The following LARP1 variants were observed in gnomAD, a reference collection of about 807,000 sequenced individuals.
The protein encoded by LARP1 is La ribonucleoprotein 1, translational regulator.
LARP1 carries 36 observed loss-of-function variants against 122.7 expected under a neutral mutation model. That is an observed-to-expected ratio of 0.29 (90% CI 0.22 to 0.39). The LOEUF is 0.39. Among genes scored for constraint, LARP1 ranks in the 10% least tolerant of loss-of-function variants. LARP1 has a pLI of 1.00. For missense variants in LARP1, 1,040 were observed against 1,403.6 expected (o/e 0.74, Z 4.14); for synonymous variants, 539 against 528.7 (o/e 1.02, Z -0.27).
chr5:154,760,591 A>G (rs1000749521), intron 1 of LARP1, among the ~76,000 whole-genome samples: 1 of 152,216 alleles, frequency 6.6e-6, no homozygotes, highest in Non-Finnish European at 1.5e-5. Context: ...CTGAAAGCAC[A>G]CAGCACTGCC....
chr5:154,757,826 TCCCCTTCC>T (rs1424061659), intron 1 of LARP1, among the ~76,000 whole-genome samples: 1 of 22,468 alleles, frequency 4.5e-5, no homozygotes, highest in East Asian at 1.4e-3. Flanking sequence ...TCCCCCCTGC[TCCCCTTCC>T]CCCCTGCTCC....
chr5:154,749,953 A>G (rs1266195906), intron 1 of LARP1, among the ~76,000 whole-genome samples: 1 of 152,172 alleles, frequency 6.6e-6, no homozygotes, highest in African/African-American at 2.4e-5. Context: ...ATTTCATGTA[A>G]ACTTTGTATT....
intron 1 of LARP1, among the ~76,000 whole-genome samples, chr5:154,782,230 A>G (rs1756507749): frequency 6.6e-6 from 1 of 152,186 alleles, no homozygotes; most frequent in African/African-American, 2.4e-5. Flanking sequence ...CCTAGTCTTT[A>G]TGCAGTAAAA....
intron 1 of LARP1, among the ~76,000 whole-genome samples, chr5:154,691,634 G>A (rs1374438761): frequency 2.6e-5 from 4 of 152,188 alleles, no homozygotes; most frequent in Non-Finnish European, 5.9e-5. Flanking sequence ...TCTGCACAAG[G>A]TCAGGGAGGA....
chr5:154,777,348 T>TAAA (rs60485690), intron 1 of LARP1, among the ~76,000 whole-genome samples: 29 of 137,232 alleles, frequency 2.1e-4, no homozygotes, highest in African/African-American at 6.7e-4. Flanking sequence ...CCATCTCTGC[T>TAAA]AAAAAAAAAA....
At chr5:154,709,786 AGAT>A (rs1755129245), upstream of LARP1, among the ~76,000 whole-genome samples, 1 of 152,074 alleles carries the variant, frequency 6.6e-6, no homozygotes, top group African/African-American at 2.4e-5. Flanking sequence ...GCCTGCCACC[AGAT>A]GCAGCTTAAT....
intron 1 of LARP1, among the ~76,000 whole-genome samples, chr5:154,761,145 C>G (rs1423344030): frequency 6.6e-6 from 1 of 152,202 alleles, no homozygotes; most frequent in Non-Finnish European, 1.5e-5. Context: ...TTAGGACACC[C>G]TTTGAAGGGG....
chr5:154,797,815 A>T (rs1394573991), intron 8 of LARP1, among the ~76,000 whole-genome samples: 1 of 152,000 alleles, frequency 6.6e-6, no homozygotes, highest in African/African-American at 2.4e-5. Flanking sequence ...CAGCCTCCTG[A>T]GTAGCAGGAT....
At chr5:154,763,217 C>T (rs558295993) in intron 1 of LARP1, among the ~76,000 whole-genome samples, 7 of 152,098 alleles carry the variant, frequency 4.6e-5, no homozygotes, top group South Asian at 2.1e-4. Context: ...TGCACCACCA[C>T]GCCTGGCTAA....
Position 154,731,418 on chromosome 5 carries a change from C to T in LARP1, c.205+18288C>T, listed in dbSNP as rs116876034. 5.3e-5 allele frequency among the ~76,000 whole-genome samples: 8 copies of T among 152,322 alleles called. No individual in the cohort carries two copies. The East Asian group carries it at 1.5e-3, about 29-fold the overall frequency. The stretch of plus-strand genomic sequence containing the variant: ...ACTTCCTCCAAGAGCCTTAGCATAA[C>T]CGTATTGCTGTAGCCAGCCAATGCC... On this transcript the variant is annotated intron_variant, in intron 1 of 18. Coordinates refer to the LARP1 transcript ENST00000336314.
At chr5:154,789,072 A>G (rs1757120859) in intron 1 of LARP1, among the ~76,000 whole-genome samples, 1 of 151,712 alleles carries the variant, frequency 6.6e-6, no homozygotes, top group Non-Finnish European at 1.5e-5. Context: ...TGAGCTGGGC[A>G]TGGTGGCGCG....
At chr5:154,713,160 C>T in intron 1 of LARP1, 2 of 1,578,164 alleles carry the variant, frequency 1.3e-6, no homozygotes, top group Non-Finnish European at 1.7e-6. Context: ...GTTTCTTGAA[C>T]CTCAGGACAG....
chr5:154,758,337 G>A (rs561972242), intron 1 of LARP1, among the ~76,000 whole-genome samples: 2 of 152,208 alleles, frequency 1.3e-5, no homozygotes, highest in African/African-American at 4.8e-5. Flanking sequence ...CTGAGTAAGG[G>A]TAGATTTGCT....
intron 1 of LARP1, among the ~76,000 whole-genome samples, chr5:154,784,544 G>A (rs1348480640): frequency 6.6e-6 from 1 of 152,208 alleles, no homozygotes; most frequent in Non-Finnish European, 1.5e-5. Context: ...TAAGCATTTG[G>A]TCTTCCTAAT....
chr5:154,705,698 C>G (rs775103229), intron 1 of LARP1: 5 of 151,980 alleles, frequency 3.3e-5, no homozygotes, highest in Non-Finnish European at 7.4e-5. Context: ...ACTCTTTCCC[C>G]CTTCTCACTA....
At chr5:154,794,405 T>A in intron 7 of LARP1, 143 bp downstream of exon 7, 1 of 736,338 alleles carries the variant, frequency 1.4e-6, no homozygotes, top group Non-Finnish European at 2.2e-6. Context: ...CATTGTTTAT[T>A]AAAGAAGTGA....
In LARP1 at chr5:154,811,596, G is replaced by T; in HGVS notation, c.3037G>T (p.Glu1013Ter). Residue 1013 changes from glutamate (E) to a stop codon, truncating the protein, a stop_gained, in exon 18 of 19, where the codon GAA becomes TAA. Transcript: ENST00000518297. LOFTEE classifies it high-confidence loss of function. ...TTTGGACATTGACCCCAAACTGCAAGAATACCTCGGCAAATTCCGACGTCT... is the reference window on the plus strand; with the variant it reads ...TTTGGACATTGACCCCAAACTGCAATAATACCTCGGCAAATTCCGACGTCT... ...KNLDIDPKLQ[E>*]YLGKFRRLED... is the part of the protein sequence containing the mutation. 6.2e-7 allele frequency: 1 copy of T among 1,614,206 alleles called. No homozygotes were observed. The highest frequency in any genetic ancestry group is 8.5e-7 in the Non-Finnish European group (1 of 1,180,044).
At chr5:154,705,144 C>T (rs1754891895) in intron 1 of LARP1, among the ~76,000 whole-genome samples, 1 of 146,726 alleles carries the variant, frequency 6.8e-6, no homozygotes, top group Non-Finnish European at 1.5e-5. Context: ...AGGCAAAGGA[C>T]ATGAAAAGAC....
chr5:154,760,232 C>T (rs997861654), intron 1 of LARP1, among the ~76,000 whole-genome samples: 5 of 152,162 alleles, frequency 3.3e-5, no homozygotes, highest in Non-Finnish European at 7.3e-5. Flanking sequence ...CGTGAGCCAC[C>T]GCGCCCGGCC....
Sources: gnomAD v4.1 joint callset for allele counts (sites outside exome capture counted in the v4.1 genomes callset) on GRCh38, gnomAD v4.1.1 for gene constraint, MANE v1.5 for transcripts, NCBI Gene and HGNC (gene_info 2026-07-23, HGNC 2026-07-21) for gene names.